Variants in CAAP1 observed in about 807,000 individuals in gnomAD.
The protein encoded by CAAP1 is conserved anti-apoptotic protein.
CAAP1 carries 20 observed loss-of-function variants against 34.0 expected under a neutral mutation model. The observed-to-expected ratio is 0.59, with a 90% CI of 0.41 to 0.86. The LOEUF (loss-of-function observed/expected upper bound fraction) is 0.86, where lower values mean the gene tolerates loss of function less well. Among genes scored for constraint, CAAP1 ranks in the 40% least tolerant of loss-of-function variants. CAAP1 has a pLI of 0.00. For missense variants in CAAP1, 538 were observed against 450.5 expected (o/e 1.19, Z -1.76); for synonymous variants, 213 against 166.7 (o/e 1.28, Z -2.14).
At chr9:26,874,807 A>C (rs1823385366) in intron 4 of CAAP1, among the ~76,000 whole-genome samples, 1 of 152,188 alleles carries the variant, frequency 6.6e-6, no homozygotes. Flanking sequence ...ATAATCTTTA[A>C]AACAGCAACA....
At chr9:26,876,173 T>C (rs1234447934) in intron 4 of CAAP1, among the ~76,000 whole-genome samples, 1 of 152,184 alleles carries the variant, frequency 6.6e-6, no homozygotes, top group Non-Finnish European at 1.5e-5. Flanking sequence ...AGGTAGCCTA[T>C]ATTCCCTGGC....
intron 5 of CAAP1, among the ~76,000 whole-genome samples, chr9:26,849,436 T>G (rs1374546116): frequency 1.3e-5 from 2 of 152,220 alleles, no homozygotes; most frequent in Non-Finnish European, 2.9e-5. Flanking sequence ...CTTTGTGTAT[T>G]GTTTAAAGTT....
intron 4 of CAAP1, among the ~76,000 whole-genome samples, 199 bp downstream of exon 4, chr9:26,884,611 T>C (rs978266880): frequency 2.0e-5 from 3 of 152,148 alleles, no homozygotes; most frequent in Non-Finnish European, 2.9e-5. Flanking sequence ...TAAAAAATCA[T>C]CTTAATCCTG....
intron 4 of CAAP1, among the ~76,000 whole-genome samples, chr9:26,877,213 G>A (rs1823458919): frequency 6.6e-6 from 1 of 152,014 alleles, no homozygotes; most frequent in Non-Finnish European, 1.5e-5. Flanking sequence ...AGATGTATAT[G>A]AAACATAAAT....
intron 5 of CAAP1, among the ~76,000 whole-genome samples, chr9:26,850,928 C>T (rs1822735154): frequency 6.6e-6 from 1 of 152,170 alleles, no homozygotes; most frequent in African/African-American, 2.4e-5. Flanking sequence ...GTCTAGTATT[C>T]TACTGAACCA....
In CAAP1 at chr9:26,892,488, C is replaced by A. The variant is rs199844079; in HGVS notation, c.228G>T (p.Gly76=). Residue 76 remains glycine (G), a synonymous_variant, in exon 1 of 6, where the codon GGG becomes GGT. Transcript: ENST00000333916. ...GGGSGGSCWG[G]SSVERSERRK... ...GGCGCTCGCTGCGCTCCACGCTGCT[C>A]CCGCCCCAACAGCTGCCGCCGCTCC... The A allele has an allele frequency of 5.7e-6, 9 of 1,566,702 alleles. No homozygotes were observed. The highest frequency in any genetic ancestry group is 7.8e-6 in the Non-Finnish European group (9 of 1,155,782).
chr9:26,886,587 A>C (rs115957023), intron 2 of CAAP1, among the ~76,000 whole-genome samples: 4,702 of 152,336 alleles, frequency 0.031, 90 homozygotes, highest in Middle Eastern at 0.058. Flanking sequence ...AATTAAAACA[A>C]CAAATATTTC....
intron 5 of CAAP1, among the ~76,000 whole-genome samples, chr9:26,858,410 A>G (rs954478701): frequency 6.6e-6 from 1 of 152,224 alleles, no homozygotes; most frequent in Non-Finnish European, 1.5e-5. Context: ...TTTATCTGGA[A>G]GATGTTTTCC....
Position 26,861,130 on chromosome 9 carries a change from G to C in CAAP1, c.675C>G (p.Ile225Met). The change falls in exon 5 of 6, where the codon ATC (isoleucine) becomes ATG (methionine). Residue 225 changes from isoleucine to methionine, a missense_variant. Ile to Met is a conservative substitution (Grantham distance 10). Around this residue, in one of 3 missense-constraint regions of CAAP1, gnomAD observed 514 missense variants for 408.4 expected, o/e 1.26. Coordinates refer to ENST00000333916, the MANE Select transcript of CAAP1 (RefSeq NM_024828.4). ...MGSDLVSQQDICIDSASSVRE... is the reference protein window; with the variant it reads ...MGSDLVSQQDMCIDSASSVRE... ...TCACGGATGAAGCAGAATCTATACA[G>C]ATGTCTTGCCTGGGAAATGAAAATA... is the stretch of plus-strand genomic sequence containing the variant. 1 of 1,608,224 alleles carries C rather than the reference G, an allele frequency of 6.2e-7. No homozygotes were observed. The highest frequency in any genetic ancestry group is 8.5e-7 in the Non-Finnish European group (1 of 1,175,616).
At chr9:26,852,013 CTT>C (rs997725542) in intron 5 of CAAP1, among the ~76,000 whole-genome samples, 148 of 152,166 alleles carry the variant, frequency 9.7e-4, no homozygotes, top group African/African-American at 3.4e-3. Flanking sequence ...ATACTAGAGA[CTT>C]GATTCTAATT....
Position 26,892,444 on chromosome 9 carries a change from T to C in CAAP1, c.272A>G (p.Asp91Gly). The change falls in exon 1 of 6, where the codon GAC (aspartate) becomes GGC (glycine). Residue 91 changes from aspartate to glycine, a missense_variant. Physicochemically the swap from Asp to Gly is moderately conservative, Grantham distance 94. Coordinates refer to ENST00000333916, the MANE Select transcript of CAAP1 (RefSeq NM_024828.4). ...CAAGGAGCCCGAGACGCTGGAAGAG[T>C]CGGTACTCCTCCGCTTCCGGCGCTC... Reference protein sequence around the residue: ...RSERRKRRSTDSSSVSGSLQQ... With the variant: ...RSERRKRRSTGSSSVSGSLQQ... The C allele has an allele frequency of 6.3e-7, 1 of 1,595,092 alleles. No homozygotes were observed. Among genetic ancestry groups the C allele is most frequent in the Non-Finnish European group, 8.5e-7 (1 of 1,172,842 alleles).
At chr9:26,869,453 C>G (rs1475393174) in intron 4 of CAAP1, among the ~76,000 whole-genome samples, 1 of 152,118 alleles carries the variant, frequency 6.6e-6, no homozygotes, top group Non-Finnish European at 1.5e-5. Flanking sequence ...ATTCTACTCA[C>G]ATAAACCATT....
chr9:26,882,502 G>A (rs1273599727), intron 4 of CAAP1, among the ~76,000 whole-genome samples: 1 of 152,206 alleles, frequency 6.6e-6, no homozygotes, highest in Non-Finnish European at 1.5e-5. Flanking sequence ...GATTTCAGAG[G>A]ATGTATGGAA....
rs574581061 is a variant in CAAP1, at chr9:26,872,978, T to C, written c.665+11832A>G. Among the ~76,000 whole-genome samples, 8 of 152,268 alleles carry C rather than the reference T, an allele frequency of 5.3e-5. No individual in the cohort carries two copies. The South Asian group carries it at 1.7e-3, about 32-fold the overall frequency. On this transcript the variant is annotated intron_variant, in intron 4 of 5. Transcript: ENST00000333916. The stretch of plus-strand genomic sequence containing the variant: ...CAAAACACTCATATAGAAGCTACTT[T>C]GATTGGGTGCAGTGGCTCATGCCTA...
At chr9:26,852,335 A>G (rs1822772343) in intron 5 of CAAP1, among the ~76,000 whole-genome samples, 1 of 151,900 alleles carries the variant, frequency 6.6e-6, no homozygotes, top group Admixed American at 6.6e-5. Flanking sequence ...TGCACCTATA[A>G]TCCCAACTAC....
At chr9:26,876,614 C>T (rs1823439122) in intron 4 of CAAP1, among the ~76,000 whole-genome samples, 1 of 151,712 alleles carries the variant, frequency 6.6e-6, no homozygotes, top group South Asian at 2.1e-4. Context: ...TAAATACTTA[C>T]CACTGTACCA....
At chr9:26,853,188 G>T (rs1822793355) in intron 5 of CAAP1, among the ~76,000 whole-genome samples, 1 of 152,138 alleles carries the variant, frequency 6.6e-6, no homozygotes, top group African/African-American at 2.4e-5. Context: ...AGAAACAGTG[G>T]GATCAGGATG....
chr9:26,861,229 G>A (rs982625592), intron 4 of CAAP1, 90 bp from the exon 5 acceptor site: 58 of 856,400 alleles, frequency 6.8e-5, no homozygotes, highest in Admixed American at 6.0e-4. Flanking sequence ...TTAGGCACTA[G>A]GGAAGACAGG....
At chr9:26,854,850 A>C (rs922900429) in intron 5 of CAAP1, among the ~76,000 whole-genome samples, 12 of 152,240 alleles carry the variant, frequency 7.9e-5, no homozygotes, top group Admixed American at 3.3e-4. Flanking sequence ...GATTACTTAT[A>C]TGCCTATTAG....
Sources: gnomAD v4.1 joint callset for allele counts (sites outside exome capture counted in the v4.1 genomes callset) on GRCh38, gnomAD v4.1.1 for gene constraint, gnomAD v4.1.1 regional missense constraint, MANE v1.5 for transcripts, NCBI Gene and HGNC (gene_info 2026-07-23, HGNC 2026-07-21) for gene names.